Variants in SHANK2 observed in about 807,000 individuals in gnomAD.
The protein encoded by SHANK2 is SH3 and multiple ankyrin repeat domains 2, also known as SH3 and multiple ankyrin repeat domains protein 2.
Under a neutral mutation model 133.7 loss-of-function variants are expected in SHANK2, and 43 were observed. That is an observed-to-expected ratio of 0.32 (90% CI 0.25 to 0.41). The LOEUF (loss-of-function observed/expected upper bound fraction) is 0.41, where lower values mean the gene tolerates loss of function less well. Ranked by LOEUF, SHANK2 falls within the 10% of genes least tolerant of loss-of-function variation. SHANK2 has a pLI of 1.00. For missense variants in SHANK2, 1,994 were observed against 2,235.8 expected, an observed-to-expected ratio of 0.89 and a Z score of 2.18; for synonymous variants, 1,017 against 952.8, an observed-to-expected ratio of 1.07 and a Z score of -1.24.
chr11:70,518,496 T>C (rs777462663), intron 17 of SHANK2, among the ~76,000 whole-genome samples: 1 of 152,240 alleles, frequency 6.6e-6, no homozygotes, highest in Non-Finnish European at 1.5e-5. Context: ...ATGAGCAAGA[T>C]GCACACGTCA....
chr11:70,796,976 G>A (rs895142824), intron 14 of SHANK2, among the ~76,000 whole-genome samples: 11 of 152,308 alleles, frequency 7.2e-5, no homozygotes, highest in East Asian at 5.8e-4. Flanking sequence ...GCGGCACACC[G>A]GTTCTGAGAA....
chr11:71,073,152 T>TTTTTTTTTTTTTTTTTTG (rs1951168902), intron 9 of SHANK2, among the ~76,000 whole-genome samples: 1 of 31,800 alleles, frequency 3.1e-5, no homozygotes, highest in African/African-American at 5.4e-5. Flanking sequence ...CTTTTCTTTT[T>TTTTTTTTTTTTTTTTTTG]TTTCTTTTTT....
At chr11:71,197,282 C>CT (rs1953924251) in intron 2 of SHANK2, among the ~76,000 whole-genome samples, 1 of 151,236 alleles carries the variant, frequency 6.6e-6, no homozygotes, top group African/African-American at 2.5e-5. Context: ...CTGGGCCCTC[C>CT]CGGGTGGGGT....
chr11:71,094,656 C>A lies in SHANK2; in HGVS notation c.625G>T (p.Asp209Tyr), dbSNP rs183556625. 1 of 1,551,824 alleles carries A rather than the reference C, an allele frequency of 6.4e-7. No homozygotes were observed. Among genetic ancestry groups the A allele is most frequent in the Non-Finnish European group, 8.7e-7 (1 of 1,146,990 alleles). Reference protein sequence around the residue: ...TPLTLAAQLDDSVEVIKALKN... With the variant: ...TPLTLAAQLDYSVEVIKALKN... ...AGAGCTTTGATGACCTCCACAGAGT[C>A]GTCCAGCTGAGCGGCTAAGGTCAGG... is the stretch of plus-strand genomic sequence containing the variant. The change falls in exon 7 of 26, where the codon GAC becomes TAC. Residue 209 changes from aspartate to tyrosine, a missense_variant. Asp to Tyr is a radical substitution (Grantham distance 160). This residue lies in a region of SHANK2 where 653 missense variants were observed against 563.4 expected (regional missense o/e 1.16). Coordinates refer to ENST00000601538, the MANE Select transcript of SHANK2 (RefSeq NM_012309.5).
chr11:70,532,561 A>G (rs1364285757), intron 17 of SHANK2, among the ~76,000 whole-genome samples: 1 of 152,154 alleles, frequency 6.6e-6, no homozygotes, highest in Non-Finnish European at 1.5e-5. Context: ...CAACCCAGAA[A>G]GAGGCCCAGA....
intron 14 of SHANK2, among the ~76,000 whole-genome samples, chr11:70,734,526 C>T (rs556432777): frequency 3.3e-5 from 5 of 152,312 alleles, no homozygotes; most frequent in South Asian, 2.1e-4. Context: ...AGGAGCCCAG[C>T]GGACACAGAG....
intron 10 of SHANK2, among the ~76,000 whole-genome samples, chr11:70,931,239 A>G (rs1950500496): frequency 6.6e-6 from 1 of 152,162 alleles, no homozygotes. Context: ...GAGGCTAGTG[A>G]TAGGGTTTCT....
intron 10 of SHANK2, among the ~76,000 whole-genome samples, chr11:70,911,437 C>T (rs924995821): frequency 1.3e-5 from 2 of 152,154 alleles, no homozygotes; most frequent in African/African-American, 4.8e-5. Flanking sequence ...ATTCCATGCC[C>T]TAGTTACTCC....
At chr11:70,730,830 T>A (rs1310015618) in intron 14 of SHANK2, among the ~76,000 whole-genome samples, 1 of 124,232 alleles carries the variant, frequency 8.0e-6, no homozygotes. Context: ...TTATTTCTTT[T>A]TTTTTTTTTT....
chr11:70,598,062 T>G (rs1333496047), intron 17 of SHANK2, among the ~76,000 whole-genome samples: 1 of 152,168 alleles, frequency 6.6e-6, no homozygotes, highest in Non-Finnish European at 1.5e-5. Flanking sequence ...ACTGCCCCTC[T>G]GGACACTCAG....
chr11:70,552,811 C>G (rs2059787082), intron 17 of SHANK2, among the ~76,000 whole-genome samples: 1 of 152,102 alleles, frequency 6.6e-6, no homozygotes. Context: ...GCCCACCTGC[C>G]CTCTAAGCTG....
chr11:70,875,379 G>T (rs1949542363), intron 11 of SHANK2, among the ~76,000 whole-genome samples: 1 of 151,682 alleles, frequency 6.6e-6, no homozygotes, highest in Admixed American at 6.6e-5. Context: ...AAAAAAATTA[G>T]CCAGGCGTGG....
chr11:71,124,293 TG>T (rs1555102245), intron 3 of SHANK2, among the ~76,000 whole-genome samples: 2 of 143,172 alleles, frequency 1.4e-5, no homozygotes, highest in Non-Finnish European at 3.1e-5. Context: ...ATGATGGTGA[TG>T]GTGACAATCA....
chr11:70,513,852 CAG>C (rs1554969610), intron 17 of SHANK2, among the ~76,000 whole-genome samples: 2 of 151,978 alleles, frequency 1.3e-5, no homozygotes, highest in African/African-American at 4.8e-5. Flanking sequence ...AAAAGTAGAA[CAG>C]AGAGTATTAA....
intron 14 of SHANK2, among the ~76,000 whole-genome samples, chr11:70,773,235 G>C (rs1159350587): frequency 1.3e-5 from 2 of 152,232 alleles, no homozygotes; most frequent in Non-Finnish European, 2.9e-5. Context: ...AAAGTAGCTG[G>C]GCGAGCGGCT....
At chr11:70,477,767 C>T (rs1035116455) in intron 25 of SHANK2, among the ~76,000 whole-genome samples, 3 of 152,240 alleles carry the variant, frequency 2.0e-5, no homozygotes, top group Admixed American at 2.0e-4. Context: ...AAGTAACCGC[C>T]TGTGAGTGTG....
intron 10 of SHANK2, among the ~76,000 whole-genome samples, chr11:70,938,516 A>C (rs1950601049): frequency 6.6e-6 from 1 of 152,172 alleles, no homozygotes; most frequent in Admixed American, 6.5e-5. Flanking sequence ...AAAAATACAT[A>C]TATGTGTCAT....
chr11:71,214,346 C>G (rs530538538), intron 2 of SHANK2, among the ~76,000 whole-genome samples: 1 of 152,358 alleles, frequency 6.6e-6, no homozygotes, highest in Non-Finnish European at 1.5e-5. Context: ...GAACCGCGTG[C>G]TGGCTCCCCT....
chr11:70,579,809 C>G (rs1044620310), intron 17 of SHANK2, among the ~76,000 whole-genome samples: 4 of 152,214 alleles, frequency 2.6e-5, no homozygotes, highest in African/African-American at 7.2e-5. Context: ...CACAAGCGTC[C>G]TGATAAGTGG....
Sources: gnomAD v4.1 joint callset for allele counts (sites outside exome capture counted in the v4.1 genomes callset) on GRCh38, gnomAD v4.1.1 for gene constraint, gnomAD v4.1.1 regional missense constraint, MANE v1.5 for transcripts, NCBI Gene and HGNC (gene_info 2026-07-23, HGNC 2026-07-21) for gene names.